SHLD2: variants seen among roughly 807,000 people sequenced by gnomAD.
The protein encoded by SHLD2 is shieldin complex subunit 2.
A neutral mutation model predicts 73.2 loss-of-function variants in SHLD2; 30 were observed. That is an observed-to-expected ratio of 0.41 (90% CI 0.31 to 0.56). The LOEUF is 0.56. SHLD2 is among the 20% of genes least tolerant of loss of function. SHLD2 has a pLI of 0.28. For missense variants in SHLD2, 745 were observed against 1,055.9 expected, an observed-to-expected ratio of 0.71 and a Z score of 4.08; for synonymous variants, 285 against 370.1, an observed-to-expected ratio of 0.77 and a Z score of 2.64.
chr10:87,157,688 C>T (rs1407009205), intron 3 of SHLD2, among the ~76,000 whole-genome samples: 20 of 152,286 alleles, frequency 1.3e-4, no homozygotes, highest in East Asian at 3.9e-4. Context: ...CTAGGCACTA[C>T]GGCTTTGGAA....
At chr10:87,160,758 G>C (rs3129484) in intron 4 of SHLD2, among the ~76,000 whole-genome samples, 5 of 152,184 alleles carry the variant, frequency 3.3e-5, no homozygotes, top group Admixed American at 6.5e-5. Context: ...GGGAGGCCAA[G>C]GTGGGCGGAT....
chr10:87,104,642 T>C (rs893174752), intron 2 of SHLD2, among the ~76,000 whole-genome samples: 9 of 151,780 alleles, frequency 5.9e-5, no homozygotes, highest in Non-Finnish European at 2.9e-5. Context: ...TATTAACAAA[T>C]TAACTGTACT....
At chr10:87,128,180 C>G (rs1426230963) in intron 2 of SHLD2, among the ~76,000 whole-genome samples, 1 of 152,142 alleles carries the variant, frequency 6.6e-6, no homozygotes, top group Non-Finnish European at 1.5e-5. Flanking sequence ...TCATAGGTAA[C>G]CATCCTCAAC....
At chr10:87,131,615 A>T (rs1271986266) in intron 2 of SHLD2, among the ~76,000 whole-genome samples, 5 of 152,028 alleles carry the variant, frequency 3.3e-5, no homozygotes, top group Non-Finnish European at 7.4e-5. Flanking sequence ...TCATCAGTTG[A>T]TGAACTTTTG....
At position 87,151,487 on chromosome 10, in the gene SHLD2, C is replaced by G. The variant is rs770570795; in HGVS notation, c.133C>G (p.Gln45Glu). 1.2e-6 allele frequency: 2 copies of G among 1,610,832 alleles called. No individual in the cohort carries two copies. Among genetic ancestry groups the G allele is most frequent in the South Asian group, 2.2e-5 (2 of 90,798 alleles). Residue 45 changes from glutamine (Q) to glutamate (E), a missense_variant, in exon 3 of 10, where the codon CAA becomes GAA. Physicochemically the swap from Gln to Glu is conservative, Grantham distance 29. Transcript: ENST00000298786. ...GAAAAAAATTCAGCTTTTATACAGT[C>G]AACATTCTTTATATCTGAAGGATGA... is the stretch of plus-strand genomic sequence containing the variant. ...PWKKIQLLYS[Q>E]HSLYLKDEKQ...
chr10:87,180,598 A>G (rs1335087437), intron 8 of SHLD2, among the ~76,000 whole-genome samples: 1 of 152,232 alleles, frequency 6.6e-6, no homozygotes, highest in Non-Finnish European at 1.5e-5. Context: ...CTAAATGCTC[A>G]TAAATAACTC....
intron 6 of SHLD2, among the ~76,000 whole-genome samples, chr10:87,175,603 G>GA (rs1847902905): frequency 6.6e-6 from 1 of 151,882 alleles, no homozygotes; most frequent in South Asian, 2.1e-4. Flanking sequence ...AGAATCACTT[G>GA]AACCTGGGAG....
chr10:87,182,596 T>C (rs1321990381), intron 8 of SHLD2, among the ~76,000 whole-genome samples: 3 of 152,198 alleles, frequency 2.0e-5, no homozygotes, highest in Non-Finnish European at 2.9e-5. Context: ...CTACAGAATA[T>C]TCAGATTTAC....
At chr10:87,179,605 G>GT (rs780847984) in intron 7 of SHLD2, among the ~76,000 whole-genome samples, 5 of 152,158 alleles carry the variant, frequency 3.3e-5, no homozygotes, top group African/African-American at 4.8e-5. Flanking sequence ...GTTTCACCAT[G>GT]TTAGCCAGGA....
At chr10:87,177,628 G>C (rs76563459) in intron 7 of SHLD2, among the ~76,000 whole-genome samples, 102,318 of 151,972 alleles carry the variant, frequency 0.67, 35,233 homozygotes, top group Middle Eastern at 0.89. Context: ...AAAACACAAG[G>C]AACTTTTCCC....
At chr10:87,126,930 G>C (rs1206831547) in intron 2 of SHLD2, among the ~76,000 whole-genome samples, 1 of 152,182 alleles carries the variant, frequency 6.6e-6, no homozygotes, top group Non-Finnish European at 1.5e-5. Context: ...GTTATATGCT[G>C]TTGGTGTTAC....
chr10:87,127,539 ACCCCG>A (rs1564587190), intron 2 of SHLD2, among the ~76,000 whole-genome samples: 349 of 35,640 alleles, frequency 9.8e-3, no homozygotes, highest in East Asian at 0.021. Context: ...GCCCCCCCCC[ACCCCG>A]TCTGCCACCC....
rs529354857 is a variant in SHLD2 at position 87,176,988 on chromosome 10, T to G, written c.2170+893T>G. 4.0e-4 allele frequency among the ~76,000 whole-genome samples: 61 copies of G among 151,966 alleles called. 2 individuals are homozygous for G. The East Asian group carries it at 0.01, about 26-fold the overall frequency. ...CTTTTATACTATAAAAATTTCATAC[T>G]ATTTTCAAAAATGGAAGTTGCCTAT... On this transcript the variant is annotated intron_variant, in intron 7 of 9. Transcript: ENST00000298786.
chr10:87,172,675 A>T (rs185417615), intron 6 of SHLD2, among the ~76,000 whole-genome samples: 7 of 152,190 alleles, frequency 4.6e-5, no homozygotes, highest in East Asian at 3.9e-4. Flanking sequence ...AAAATAAAAA[A>T]AAATTGGATT....
At chr10:87,122,696 T>C (rs931104332) in intron 2 of SHLD2, among the ~76,000 whole-genome samples, 4 of 152,256 alleles carry the variant, frequency 2.6e-5, no homozygotes, top group Non-Finnish European at 4.4e-5. Context: ...ATTGACACTA[T>C]AGTAAAAGAT....
intron 4 of SHLD2, among the ~76,000 whole-genome samples, chr10:87,159,852 T>C (rs1236117504): frequency 6.6e-6 from 1 of 152,196 alleles, no homozygotes; most frequent in Non-Finnish European, 1.5e-5. Context: ...TGTTAAGTTT[T>C]AGATATCTTT....
intron 1 of SHLD2, 96 bp downstream of exon 1, chr10:87,095,344 C>A (rs1009851606): frequency 6.6e-6 from 1 of 151,886 alleles, no homozygotes; most frequent in East Asian, 2.0e-4. Context: ...GAGGCCGAGT[C>A]CCCCCGAGCG....
chr10:87,179,696 C>A (rs1024046685), intron 7 of SHLD2, among the ~76,000 whole-genome samples: 1 of 152,196 alleles, frequency 6.6e-6, no homozygotes, highest in Non-Finnish European at 1.5e-5. Flanking sequence ...CCACTGCGCC[C>A]GGCCCCTATT....
chr10:87,096,026 A>G (rs1485517420), intron 1 of SHLD2, among the ~76,000 whole-genome samples: 1 of 152,192 alleles, frequency 6.6e-6, no homozygotes, highest in Non-Finnish European at 1.5e-5. Flanking sequence ...ATGGTTCAGT[A>G]TATGATTTAT....
Sources: allele counts gnomAD v4.1 joint callset (sites outside exome capture counted in the v4.1 genomes callset), GRCh38; gene constraint gnomAD v4.1.1; transcripts MANE v1.5; gene names NCBI Gene and HGNC (gene_info 2026-07-23, HGNC 2026-07-21).